Variants in KLHL5 observed in about 807,000 individuals in gnomAD.
KLHL5 encodes the protein kelch like family member 5.
KLHL5 carries 48 observed loss-of-function variants against 77.7 expected under a neutral mutation model. The observed-to-expected ratio is 0.62, with a 90% CI of 0.49 to 0.79. KLHL5 has a LOEUF of 0.79. KLHL5 is among the 30% of genes least tolerant of loss of function. The probability of loss-of-function intolerance (pLI) is 0.00; values close to 1 mark genes in which losing one functional copy is unlikely to be tolerated. For missense variants in KLHL5, 723 were observed against 859.7 expected (o/e 0.84, Z 1.99); for synonymous variants, 260 against 297.0 (o/e 0.88, Z 1.28).
At chr4:39,107,138 C>G (rs145062077) in intron 7 of KLHL5, among the ~76,000 whole-genome samples, 3,665 of 151,672 alleles carry the variant, frequency 0.024, 72 homozygotes, top group Non-Finnish European at 0.035. Flanking sequence ...ACCTCTGCCC[C>G]CAAGGCTCAA....
intron 1 of KLHL5, among the ~76,000 whole-genome samples, chr4:39,070,786 G>A (rs1204343220): frequency 6.6e-6 from 1 of 152,104 alleles, no homozygotes; most frequent in Non-Finnish European, 1.5e-5. Context: ...TCTTGAGGAG[G>A]GAAAGGGTGA....
intron 1 of KLHL5, among the ~76,000 whole-genome samples, chr4:39,052,966 C>G (rs1267691183): frequency 2.0e-5 from 3 of 152,192 alleles, no homozygotes; most frequent in Non-Finnish European, 4.4e-5. Flanking sequence ...CCACTAATCT[C>G]CATTTGACCA....
intron 10 of KLHL5, among the ~76,000 whole-genome samples, chr4:39,120,693 A>T (rs1426058982): frequency 1.3e-5 from 2 of 152,230 alleles, no homozygotes; most frequent in Non-Finnish European, 2.9e-5. Flanking sequence ...ATTTCTTCAT[A>T]TCCATACTGT....
chr4:39,139,797 C>G, the KLHL5 span, among the ~76,000 whole-genome samples: 3 of 152,212 alleles, frequency 2.0e-5, no homozygotes, highest in Non-Finnish European at 4.4e-5. Context: ...GATGCATAAT[C>G]TGGATCTAAT....
chr4:39,122,145 G>GTTA lies in KLHL5; in HGVS notation c.*1082_*1084dup. ...TGAATGTTATTACTCTCAGTGAATTGTTATTGTTTGCAAAAATGCACTGGG... is the reference window on the plus strand; with the variant it reads ...TGAATGTTATTACTCTCAGTGAATTGTTATTATTGTTTGCAAAAATGCACTGGG... On this transcript the variant is annotated 3_prime_UTR_variant, in exon 11 of 11. Transcript: ENST00000504108. 6.6e-6 allele frequency: 1 copy of GTTA among 152,670 alleles called. No individual in the cohort carries two copies. The highest frequency in any genetic ancestry group is 6.5e-5 in the Admixed American group (1 of 15,294). 9.5% of individuals were successfully genotyped at this position (152,670 alleles called of 1,614,324 possible).
the KLHL5 span, among the ~76,000 whole-genome samples, chr4:39,141,861 G>A: frequency 2.6e-5 from 4 of 152,318 alleles, no homozygotes; most frequent in South Asian, 6.2e-4. Context: ...TGAAGGTGTT[G>A]TGCTACTGAA....
intron 2 of KLHL5, among the ~76,000 whole-genome samples, chr4:39,076,818 CAAAG>C (rs1319877269): frequency 1.3e-5 from 2 of 148,668 alleles, no homozygotes; most frequent in Non-Finnish European, 3.0e-5. Context: ...AAAAACCTTC[CAAAG>C]AGAGATAACA....
At chr4:39,127,619 A>G (rs760533181), downstream of KLHL5, among the ~76,000 whole-genome samples, 3 of 151,794 alleles carry the variant, frequency 2.0e-5, no homozygotes, top group Non-Finnish European at 4.4e-5. Flanking sequence ...ATGTTTGGCT[A>G]ATTTTTTTTT....
rs1718974710 is a variant in KLHL5, at chr4:39,075,824, A to G, written c.384-141A>G. 9 of 655,264 alleles carry G rather than the reference A, an allele frequency of 1.4e-5. No individual in the cohort carries two copies. The South Asian group carries it at 1.8e-4, about 13-fold the overall frequency. The allele number at this position is 655,264 out of a possible 1,614,324, so 40.6% of individuals were successfully genotyped here. On this transcript the variant is annotated intron_variant, in intron 1 of 10. Transcript: ENST00000504108. Reference sequence around the variant, plus strand: ...CATCATTGATTTTTAAGAGACTAAAATGATGAATGATTATACATTAATATT... The same window carrying G: ...CATCATTGATTTTTAAGAGACTAAAGTGATGAATGATTATACATTAATATT...
rs1223401980 is a variant in KLHL5 at position 39,069,471 on chromosome 4, T to C, written c.383+6436T>C. ...ATATATATATATATATATATATATA[T>C]ATACACACACACACACACACACACA... On this transcript the variant is annotated intron_variant, in intron 1 of 10. Coordinates refer to ENST00000504108, the MANE Select transcript of KLHL5 (RefSeq NM_015990.5). Among the ~76,000 whole-genome samples, 346 of 69,898 alleles carry C rather than the reference T, an allele frequency of 5.0e-3. 3 individuals are homozygous for C. The highest frequency in any genetic ancestry group is 0.014 in the African/African-American group (303 of 22,206). 45.9% of individuals were successfully genotyped at this position (69,898 alleles called of 152,430 possible).
In KLHL5 at chr4:39,125,314, A is replaced by G. The variant is rs1166428620; in HGVS notation, c.*4248A>G. 6.6e-6 allele frequency among the ~76,000 whole-genome samples: 1 copy of G among 152,180 alleles called. No homozygotes were observed. The highest frequency in any genetic ancestry group is 1.9e-4 in the East Asian group (1 of 5,202). On this transcript the variant is annotated 3_prime_UTR_variant, in exon 11 of 11. Transcript: ENST00000504108. ...CAATAAGTTAAAAAAAAGAATTACCATATGACCCAGCAAGTCCACTCCTGG... is the reference window on the plus strand; with the variant it reads ...CAATAAGTTAAAAAAAAGAATTACCGTATGACCCAGCAAGTCCACTCCTGG...
intron 8 of KLHL5, among the ~76,000 whole-genome samples, chr4:39,110,792 T>G (rs1722401769): frequency 6.6e-6 from 1 of 152,136 alleles, no homozygotes; most frequent in African/African-American, 2.4e-5. Context: ...ATCATAATTT[T>G]AAAAGTCAGG....
rs1455170092 is a variant in KLHL5, at chr4:39,113,172, T to C, written c.1841T>C (p.Ile614Thr). 28 of 1,613,952 alleles carry C rather than the reference T, an allele frequency of 1.7e-5. No individual in the cohort carries two copies. Among genetic ancestry groups the C allele is most frequent in the South Asian group, 4.4e-5 (4 of 91,076 alleles). Residue 614 changes from isoleucine (I) to threonine (T), a missense_variant, in exon 9 of 11, where the codon ATA becomes ACA. Physicochemically the swap from Ile to Thr is moderately conservative, Grantham distance 89. Coordinates refer to ENST00000504108, the MANE Select transcript of KLHL5 (RefSeq NM_015990.5). ...ACCTGGAATGGACTGCTGTATGCTA[T>C]AGGGGGGCACGATGCTCCCGCATCC... ...VTTWNGLLYA[I>T]GGHDAPASNL... is the part of the protein sequence containing the mutation.
At chr4:39,048,111 AATTT>A (rs1252451150) in intron 1 of KLHL5, among the ~76,000 whole-genome samples, 3 of 152,344 alleles carry the variant, frequency 2.0e-5, no homozygotes, top group East Asian at 1.9e-4. Flanking sequence ...TCACTGTCTA[AATTT>A]ATTCCATTCC....
At chr4:39,075,851 ATAGG>A in intron 1 of KLHL5, 110 bp from the exon 2 acceptor site, 3 of 767,466 alleles carry the variant, frequency 3.9e-6, no homozygotes, top group Non-Finnish European at 6.4e-6. Flanking sequence ...ATTAATATTG[ATAGG>A]TAGCATTGAT....
intron 1 of KLHL5, among the ~76,000 whole-genome samples, chr4:39,067,031 G>A (rs938121776): frequency 2.6e-5 from 4 of 152,122 alleles, no homozygotes; most frequent in Non-Finnish European, 5.9e-5. Context: ...TTAATATGGT[G>A]CATGGGTTAT....
In KLHL5 at chr4:39,096,741, G is replaced by A. The variant is rs746825635; in HGVS notation, c.1163G>A (p.Cys388Tyr). 1 of 1,613,244 alleles carries A rather than the reference G, an allele frequency of 6.2e-7. No homozygotes were observed. Among genetic ancestry groups the A allele is most frequent in the Non-Finnish European group, 8.5e-7 (1 of 1,179,278 alleles). The change falls in exon 6 of 11, where the codon TGT (cysteine) becomes TAT (tyrosine). Residue 388 changes from cysteine (C) to tyrosine (Y), a missense_variant. Physicochemically the swap from Cys to Tyr is radical, Grantham distance 194. Transcript: ENST00000504108. Reference protein sequence around the residue: ...NNVLFRDDIECQKLIMEAMKY... With the variant: ...NNVLFRDDIEYQKLIMEAMKY... ...GTACTTTTTCGGGATGATATAGAAT[G>A]TCAGAAACTCATTATGGAAGCAATG...
At chr4:39,076,389 C>T (rs1186762403) in intron 2 of KLHL5, among the ~76,000 whole-genome samples, 3 of 152,166 alleles carry the variant, frequency 2.0e-5, no homozygotes, top group East Asian at 3.9e-4. Flanking sequence ...TGGTATTGTT[C>T]GGTGTAGATT....
intron 1 of KLHL5, among the ~76,000 whole-genome samples, chr4:39,068,105 C>T (rs1718071125): frequency 6.6e-6 from 1 of 152,122 alleles, no homozygotes; most frequent in Non-Finnish European, 1.5e-5. Context: ...TTCAACTCAT[C>T]CTGAAGGCAT....
Sources: gnomAD v4.1 joint callset for allele counts (sites outside exome capture counted in the v4.1 genomes callset) on GRCh38, gnomAD v4.1.1 for gene constraint, MANE v1.5 for transcripts, NCBI Gene and HGNC (gene_info 2026-07-23, HGNC 2026-07-21) for gene names.